GSAP: variants seen among roughly 807,000 people sequenced by gnomAD.
GSAP encodes gamma-secretase activating protein.
Under a neutral mutation model 131.7 loss-of-function variants are expected in GSAP, and 118 were observed. The ratio of observed to expected loss-of-function variants is 0.90; its 90% CI spans 0.77 to 1.04. GSAP has a LOEUF of 1.04. Among genes scored for constraint, GSAP ranks in the 50% least tolerant of loss-of-function variants. GSAP has a pLI of 0.00. For missense variants in GSAP, 1,019 were observed against 1,013.2 expected, an observed-to-expected ratio of 1.01 and a Z score of -0.08; for synonymous variants, 381 against 363.4, an observed-to-expected ratio of 1.05 and a Z score of -0.55.
intron 12 of GSAP, among the ~76,000 whole-genome samples, chr7:77,368,113 T>A (rs919333287): frequency 6.6e-6 from 1 of 152,190 alleles, no homozygotes; most frequent in African/African-American, 2.4e-5. Context: ...TAGCATGGGT[T>A]CCTGGAGTTG....
intron 8 of GSAP, 82 bp from the exon 9 acceptor site, chr7:77,377,472 C>A: frequency 7.2e-7 from 1 of 1,388,554 alleles, no homozygotes; most frequent in Non-Finnish European, 9.5e-7. Context: ...TAATTATTTT[C>A]CATGTCTATC....
At chr7:77,314,546 G>GA in intron 26 of GSAP, 57 bp from the exon 27 acceptor site, 1 of 1,601,332 alleles carries the variant, frequency 6.2e-7, no homozygotes, top group East Asian at 2.2e-5. Flanking sequence ...AGCAGCCCCC[G>GA]GGGAATGGAT....
At chr7:77,357,720 A>G (rs1165678335) in intron 14 of GSAP, among the ~76,000 whole-genome samples, 1 of 151,948 alleles carries the variant, frequency 6.6e-6, no homozygotes, top group African/African-American at 2.4e-5. Flanking sequence ...TGGGTTGGAC[A>G]AGCTTGCTCT....
At chr7:77,320,494 G>A (rs1244511781) in intron 26 of GSAP, among the ~76,000 whole-genome samples, 1 of 152,142 alleles carries the variant, frequency 6.6e-6, no homozygotes, top group Non-Finnish European at 1.5e-5. Context: ...AAAGCTGCAT[G>A]GGGTAAGCCT....
chr7:77,325,658 C>T (rs564477181), intron 23 of GSAP, among the ~76,000 whole-genome samples: 2 of 152,336 alleles, frequency 1.3e-5, no homozygotes, highest in East Asian at 1.9e-4. Context: ...GCAACCTCCA[C>T]TTCCTGGGTT....
chr7:77,376,755 G>A lies in GSAP; in HGVS notation c.741+93C>T, dbSNP rs1014304970. ...TCGCGCCACTGCACCCAGCGTGTGCGACAGAGTGAGACTCCATCTCAAAAA... is the reference window on the plus strand; with the variant it reads ...TCGCGCCACTGCACCCAGCGTGTGCAACAGAGTGAGACTCCATCTCAAAAA... On this transcript the variant is annotated intron_variant, in intron 10 of 30. Coordinates refer to ENST00000257626, the MANE Select transcript of GSAP (RefSeq NM_017439.4). 2.5e-4 allele frequency: 164 copies of A among 651,724 alleles called. 1 individual carries two copies. Among genetic ancestry groups the A allele is most frequent in the Admixed American group, 9.7e-4 (31 of 31,864 alleles). The allele number at this position is 651,724 out of a possible 1,614,324, so 40.4% of individuals were successfully genotyped here. A position where few individuals can be genotyped will look rare whatever the true frequency, so the allele number is the denominator to read the frequency against.
At chr7:77,374,388 T>C (rs1395161660) in intron 11 of GSAP, among the ~76,000 whole-genome samples, 2 of 152,186 alleles carry the variant, frequency 1.3e-5, no homozygotes, top group African/African-American at 2.4e-5. Flanking sequence ...CTTACATTTT[T>C]ATAACTTTTC....
chr7:77,394,509 A>G (rs987478636), intron 5 of GSAP, among the ~76,000 whole-genome samples: 3 of 152,218 alleles, frequency 2.0e-5, no homozygotes, highest in Non-Finnish European at 4.4e-5. Context: ...TCTCTGCTTC[A>G]GGCACAGTTA....
chr7:77,321,744 C>T (rs1165818207), intron 24 of GSAP, among the ~76,000 whole-genome samples: 2 of 152,150 alleles, frequency 1.3e-5, no homozygotes, highest in East Asian at 1.9e-4. Flanking sequence ...CCTGTCACAA[C>T]GCAAGAGCCA....
intron 3 of GSAP, among the ~76,000 whole-genome samples, chr7:77,402,617 G>A (rs1326090349): frequency 0.033 from 1,262 of 38,578 alleles, no homozygotes; most frequent in Middle Eastern, 0.077. Flanking sequence ...AAAAAAAAAA[G>A]AATTTTAAAG....
At chr7:77,321,724 T>G (rs1787671506) in intron 24 of GSAP, among the ~76,000 whole-genome samples, 1 of 152,142 alleles carries the variant, frequency 6.6e-6, no homozygotes, top group Admixed American at 6.5e-5. Context: ...GCTACAGGGT[T>G]TGCTCCAGGC....
chr7:77,312,141 C>T lies in GSAP; in HGVS notation c.2333G>A (p.Arg778Gln), dbSNP rs189595861. 3.1e-5 allele frequency: 49 copies of T among 1,604,830 alleles called. No individual in the cohort carries two copies. Among genetic ancestry groups the T allele is most frequent in the Middle Eastern group, 1.7e-4 (1 of 6,028 alleles). Residue 778 changes from arginine (R) to glutamine (Q), a missense_variant, in exon 29 of 31, where the codon CGG becomes CAG. Coordinates refer to ENST00000257626, the MANE Select transcript of GSAP (RefSeq NM_017439.4). ...CTGAAGCAGTCGCGTCACGTGGTTCCGCGAAATGATGTTAGAACTCATAGG... is the reference window on the plus strand; with the variant it reads ...CTGAAGCAGTCGCGTCACGTGGTTCTGCGAAATGATGTTAGAACTCATAGG... ...DHPMSSNIISRNHVTRLLQNY... is the reference protein window; with the variant it reads ...DHPMSSNIISQNHVTRLLQNY...
chr7:77,342,634 C>T (rs531285310), intron 19 of GSAP, among the ~76,000 whole-genome samples: 1 of 152,124 alleles, frequency 6.6e-6, no homozygotes, highest in Non-Finnish European at 1.5e-5. Flanking sequence ...TCATGCACCC[C>T]TTACCATCCC....
chr7:77,356,381 A>G (rs1301869180), intron 14 of GSAP, among the ~76,000 whole-genome samples: 3 of 152,198 alleles, frequency 2.0e-5, no homozygotes, highest in African/African-American at 7.2e-5. Context: ...GAAATAGCCT[A>G]TATTGGGAAT....
At chr7:77,382,019 C>T (rs1424351992) in intron 7 of GSAP, among the ~76,000 whole-genome samples, 1 of 149,046 alleles carries the variant, frequency 6.7e-6, no homozygotes, top group East Asian at 2.0e-4. Context: ...ATGCAAAAGA[C>T]AGCTTACTAG....
At chr7:77,374,582 C>A (rs1293497072) in intron 11 of GSAP, among the ~76,000 whole-genome samples, 1 of 151,212 alleles carries the variant, frequency 6.6e-6, no homozygotes, top group Non-Finnish European at 1.5e-5. Context: ...CTCATGTTCC[C>A]GCTACATGTA....
intron 27 of GSAP, 59 bp from the exon 28 acceptor site, chr7:77,313,608 G>T: frequency 1.3e-6 from 1 of 799,310 alleles, no homozygotes; most frequent in Non-Finnish European, 2.1e-6. Context: ...ACTTTAGCAA[G>T]TTAATATTAA....
At chr7:77,341,434 T>TCTGG (rs376123510) in intron 19 of GSAP, among the ~76,000 whole-genome samples, 23 of 152,294 alleles carry the variant, frequency 1.5e-4, no homozygotes, top group African/African-American at 5.1e-4. Flanking sequence ...TCACACCTGG[T>TCTGG]CTGGCTTACA....
Position 77,320,825 on chromosome 7 carries a change from T to TAA in GSAP, c.1995-8_1995-7dup. 1 of 1,578,926 alleles carries TAA rather than the reference T, an allele frequency of 6.3e-7. No individual in the cohort carries two copies. The highest frequency in any genetic ancestry group is 8.7e-7 in the Non-Finnish European group (1 of 1,148,462). On this transcript the variant is annotated splice_polypyrimidine_tract_variant and splice_region_variant and intron_variant, in intron 25 of 30. Transcript: ENST00000257626. ...CAGCACTGCCACGACTATTGCTGGG[T>TAA]AAAAAAAACAAAGCAGCATGTCAGC...
Sources: allele counts gnomAD v4.1 joint callset (sites outside exome capture counted in the v4.1 genomes callset), GRCh38; gene constraint gnomAD v4.1.1; transcripts MANE v1.5; gene names NCBI Gene and HGNC (gene_info 2026-07-23, HGNC 2026-07-21).